The following ATP11B variants were observed in gnomAD, a reference collection of about 807,000 sequenced individuals.
The protein encoded by ATP11B is phospholipid-transporting ATPase IF.
ATP11B carries 81 observed loss-of-function variants against 157.8 expected under a neutral mutation model. That is an observed-to-expected ratio of 0.51 (90% CI 0.43 to 0.62). The LOEUF (loss-of-function observed/expected upper bound fraction) is 0.62, where lower values mean the gene tolerates loss of function less well. Among genes scored for constraint, ATP11B ranks in the 20% least tolerant of loss-of-function variants. The pLI, the probability that ATP11B is intolerant of heterozygous loss-of-function variation, is 0.00. For synonymous variants in ATP11B, 451 were observed against 469.4 expected (o/e 0.96, Z 0.51); for missense variants, 1,165 against 1,402.2 (o/e 0.83, Z 2.70).
At chr3:182,870,854 G>A (rs1721605838) in intron 17 of ATP11B, among the ~76,000 whole-genome samples, 1 of 151,460 alleles carries the variant, frequency 6.6e-6, no homozygotes, top group Non-Finnish European at 1.5e-5. Flanking sequence ...CTTGAACATA[G>A]GAGGCGGAGC....
At chr3:182,838,308 G>A (rs1011190479) in intron 7 of ATP11B, among the ~76,000 whole-genome samples, 4 of 151,870 alleles carry the variant, frequency 2.6e-5, no homozygotes, top group African/African-American at 9.7e-5. Flanking sequence ...ATCCTGGTCT[G>A]AGGCAATGGC....
Position 182,869,372 on chromosome 3 carries a change from A to G in ATP11B, c.1866+41A>G, listed in dbSNP as rs756137013. The G allele has an allele frequency of 2.5e-5, 32 of 1,262,304 alleles. No homozygotes were observed. The Admixed American group carries it at 4.6e-4, about 18-fold the overall frequency. The allele number at this position is 1,262,304 out of a possible 1,614,324, so 78.2% of individuals were successfully genotyped here. ...TATGATTTAAAAAACTCTAAAAGAT[A>G]TATTTATGAAATATTTTGGACTTTA... is the stretch of plus-strand genomic sequence containing the variant. On this transcript the variant is annotated intron_variant, in intron 17 of 29. Coordinates refer to ENST00000323116, the MANE Select transcript of ATP11B (RefSeq NM_014616.3).
intron 19 of ATP11B, 101 bp downstream of exon 19, chr3:182,874,116 C>A: frequency 6.2e-6 from 6 of 967,600 alleles, no homozygotes; most frequent in South Asian, 1.7e-5. Flanking sequence ...TTTTTTACAG[C>A]CTATCAGCTA....
intron 10 of ATP11B, among the ~76,000 whole-genome samples, chr3:182,855,411 T>C (rs1211640251): frequency 6.6e-6 from 1 of 152,248 alleles, no homozygotes; most frequent in Middle Eastern, 3.4e-3. Context: ...AGAGTATAGA[T>C]TTAATGTAAA....
At chr3:182,870,654 A>T (rs1434280673) in intron 17 of ATP11B, among the ~76,000 whole-genome samples, 1 of 152,212 alleles carries the variant, frequency 6.6e-6, no homozygotes, top group Admixed American at 6.5e-5. Flanking sequence ...GTCATTTATA[A>T]GTCAGGGAAT....
intron 10 of ATP11B, among the ~76,000 whole-genome samples, chr3:182,852,519 CA>C: frequency 6.6e-6 from 1 of 152,128 alleles, no homozygotes; most frequent in East Asian, 1.9e-4. Flanking sequence ...GGTAACTTAC[CA>C]AAATTGGCCC....
chr3:182,869,456 G>A, intron 17 of ATP11B, 125 bp downstream of exon 17: 1 of 614,890 alleles, frequency 1.6e-6, no homozygotes, highest in South Asian at 2.6e-5. Context: ...CTGTGTGTTG[G>A]CTCCACATTC....
chr3:182,902,354 A>C (rs929813387), intron 28 of ATP11B: 1 of 324,170 alleles, frequency 3.1e-6, no homozygotes, highest in Non-Finnish European at 5.7e-6. Context: ...TATGTGTATC[A>C]CGTATGATAT....
At chr3:182,840,710 T>C (rs1718941093) in intron 7 of ATP11B, among the ~76,000 whole-genome samples, 1 of 152,086 alleles carries the variant, frequency 6.6e-6, no homozygotes, top group Non-Finnish European at 1.5e-5. Context: ...TTCACCTCCT[T>C]ACTCACATCT....
intron 1 of ATP11B, among the ~76,000 whole-genome samples, chr3:182,815,068 T>G (rs1232416862): frequency 6.6e-6 from 1 of 152,080 alleles, no homozygotes; most frequent in Non-Finnish European, 1.5e-5. Context: ...GGCAAATGAT[T>G]TGAGAATTTT....
chr3:182,918,038 G>A lies in ATP11B; in HGVS notation c.3468G>A (p.Ser1156=), dbSNP rs766219923. ...GTTACTTTAGATCATGGAGTGCATCGGATCCTTTCTATACCAACGACAGGA... is the reference window on the plus strand; with the variant it reads ...GTTACTTTAGATCATGGAGTGCATCAGATCCTTTCTATACCAACGACAGGA... ...PTHISRSWSA[S]DPFYTNDRSI... The change falls in exon 30 of 30, where the codon TCG becomes TCA. Residue 1156 remains serine (S), a synonymous_variant. Transcript: ENST00000323116. 33 of 1,612,682 alleles carry A rather than the reference G, an allele frequency of 2.0e-5. No individual in the cohort carries two copies. The highest frequency in any genetic ancestry group is 1.8e-4 in the Admixed American group (11 of 59,936).
chr3:182,836,709 AT>A (rs1322052478), intron 6 of ATP11B: 7 of 493,474 alleles, frequency 1.4e-5, no homozygotes, highest in Non-Finnish European at 1.8e-5. Flanking sequence ...GAAAAATATA[AT>A]CTTTTACTAT....
intron 22 of ATP11B, among the ~76,000 whole-genome samples, chr3:182,885,266 A>C (rs1432838064): frequency 6.6e-6 from 1 of 152,146 alleles, no homozygotes; most frequent in Non-Finnish European, 1.5e-5. Flanking sequence ...TATATGCATA[A>C]AATGAAATAC....
intron 28 of ATP11B, among the ~76,000 whole-genome samples, chr3:182,906,471 C>T (rs1426554549): frequency 6.6e-6 from 1 of 152,054 alleles, no homozygotes; most frequent in African/African-American, 2.4e-5. Context: ...TGAGACAGGG[C>T]CTCATTCCAT....
intron 21 of ATP11B, among the ~76,000 whole-genome samples, chr3:182,881,573 C>T (rs1317122104): frequency 6.6e-6 from 1 of 151,690 alleles, no homozygotes; most frequent in African/African-American, 2.4e-5. Flanking sequence ...ATAATTAAGC[C>T]CACTATTTAA....
intron 28 of ATP11B, among the ~76,000 whole-genome samples, chr3:182,899,394 G>A (rs372158277): frequency 6.6e-6 from 1 of 151,760 alleles, no homozygotes; most frequent in Non-Finnish European, 1.5e-5. Context: ...CTCATGATCC[G>A]CCTGCCTTGG....
At chr3:182,915,592 T>G (rs1577126717) in intron 29 of ATP11B, 1 of 972,156 alleles carries the variant, frequency 1.0e-6, no homozygotes, top group East Asian at 1.1e-4. Flanking sequence ...TTCTCTTTAA[T>G]GACAATATAC....
intron 21 of ATP11B, among the ~76,000 whole-genome samples, chr3:182,883,947 T>TC (rs1722618351): frequency 2.1e-5 from 2 of 97,278 alleles, no homozygotes; most frequent in Non-Finnish European, 3.8e-5. Flanking sequence ...AGAGCGAGAC[T>TC]CCGTCTCAAA....
intron 21 of ATP11B, among the ~76,000 whole-genome samples, chr3:182,882,265 A>G (rs1722478044): frequency 6.6e-6 from 1 of 152,092 alleles, no homozygotes; most frequent in Admixed American, 6.5e-5. Flanking sequence ...TAGTTTGTAT[A>G]CCGTTATTTT....
Sources: gnomAD v4.1 joint callset for allele counts (sites outside exome capture counted in the v4.1 genomes callset) on GRCh38, gnomAD v4.1.1 for gene constraint, MANE v1.5 for transcripts, NCBI Gene and HGNC (gene_info 2026-07-23, HGNC 2026-07-21) for gene names.